Variants in UBAC2 observed in about 807,000 individuals in gnomAD.
The protein encoded by UBAC2 is ubiquitin-associated domain-containing protein 2.
UBAC2 carries 26 observed loss-of-function variants against 44.0 expected under a neutral mutation model. The observed-to-expected ratio is 0.59, with a 90% confidence interval of 0.43 to 0.82. The LOEUF (loss-of-function observed/expected upper bound fraction) is 0.82, where lower values mean the gene tolerates loss of function less well. Ranked by LOEUF, UBAC2 falls within the 40% of genes least tolerant of loss-of-function variation. The pLI is 0.00. For missense variants in UBAC2, 329 were observed against 419.4 expected (o/e 0.78, Z 1.88); for synonymous variants, 155 against 154.3 (o/e 1.00, Z -0.04).
intron 7 of UBAC2, among the ~76,000 whole-genome samples, chr13:99,343,479 C>T (rs1394759666): frequency 1.3e-5 from 2 of 152,228 alleles, no homozygotes; most frequent in African/African-American, 2.4e-5. Context: ...GCATTCCCAC[C>T]AGGCGCCTGT....
intron 6 of UBAC2, among the ~76,000 whole-genome samples, chr13:99,324,172 G>T (rs974908019): frequency 1.4e-4 from 22 of 152,172 alleles, no homozygotes; most frequent in Admixed American, 9.8e-4. Context: ...CCAGACACTT[G>T]TGGTAGATTT....
intron 4 of UBAC2, among the ~76,000 whole-genome samples, chr13:99,286,130 A>C (rs1291383987): frequency 6.6e-6 from 1 of 152,226 alleles, no homozygotes. Context: ...CAGCAATTGT[A>C]TAAGCACCGA....
chr13:99,228,281 A>G (rs933395031), intron 1 of UBAC2, among the ~76,000 whole-genome samples: 5 of 146,510 alleles, frequency 3.4e-5, no homozygotes, highest in African/African-American at 1.2e-4. Context: ...AATATTCTCT[A>G]TATTCATTCA....
intron 6 of UBAC2, among the ~76,000 whole-genome samples, chr13:99,331,232 TA>T (rs2044712557): frequency 6.6e-6 from 1 of 152,250 alleles, no homozygotes; most frequent in Admixed American, 6.5e-5. Flanking sequence ...TGTCCTTTCT[TA>T]TTTTTTTTCT....
intron 4 of UBAC2, among the ~76,000 whole-genome samples, chr13:99,285,902 A>G (rs946720653): frequency 7.2e-5 from 11 of 152,154 alleles, no homozygotes; most frequent in Non-Finnish European, 8.8e-5. Flanking sequence ...TACACATCCA[A>G]CGGGGTGCCA....
chr13:99,324,585 C>G (rs1486832149), intron 6 of UBAC2, among the ~76,000 whole-genome samples: 1 of 152,224 alleles, frequency 6.6e-6, no homozygotes, highest in Non-Finnish European at 1.5e-5. Flanking sequence ...TAATAGTACT[C>G]TTTTCTAAGC....
Position 99,295,318 on chromosome 13 carries a change from A to C in UBAC2, c.390-18779A>C, listed in dbSNP as rs1259879682. On this transcript the variant is annotated intron_variant, in intron 4 of 8. Coordinates refer to ENST00000403766, the MANE Select transcript of UBAC2 (RefSeq NM_001144072.2). The surrounding 1 kb of genome is among the most constrained non-coding windows in gnomAD (Gnocchi z 4.1). Reference sequence around the variant, plus strand: ...AATGTCTTTGGCTACATTCCAGGAAATTAGAGAAACGAAGCTTCTTAATCA... The same window carrying C: ...AATGTCTTTGGCTACATTCCAGGAACTTAGAGAAACGAAGCTTCTTAATCA... 1.2e-6 allele frequency: 2 copies of C among 1,614,042 alleles called. No homozygotes were observed.
At chr13:99,300,889 A>G (rs1408953856) in intron 4 of UBAC2, among the ~76,000 whole-genome samples, 1 of 152,212 alleles carries the variant, frequency 6.6e-6, no homozygotes, top group Non-Finnish European at 1.5e-5. Flanking sequence ...GTTATCTTTT[A>G]ATTATTTTCA....
intron 4 of UBAC2, among the ~76,000 whole-genome samples, chr13:99,304,339 A>G (rs1429025099): frequency 6.6e-6 from 1 of 152,116 alleles, no homozygotes; most frequent in Non-Finnish European, 1.5e-5. Flanking sequence ...TCCCAGGAGC[A>G]TTCCTGTTCT....
chr13:99,326,752 A>G, intron 6 of UBAC2, among the ~76,000 whole-genome samples: 1 of 152,154 alleles, frequency 6.6e-6, no homozygotes, highest in Non-Finnish European at 1.5e-5. Flanking sequence ...CAGTGAGTCC[A>G]GCACCTTACA....
chr13:99,280,498 G>A (rs146314490), intron 4 of UBAC2, among the ~76,000 whole-genome samples: 2,025 of 152,306 alleles, frequency 0.013, 34 homozygotes, highest in Non-Finnish European at 0.016. Context: ...GCCAGAGTTG[G>A]AATTAACCTC....
intron 6 of UBAC2, among the ~76,000 whole-genome samples, chr13:99,318,694 G>T (rs996244521): frequency 2.0e-5 from 3 of 151,220 alleles, no homozygotes; most frequent in Non-Finnish European, 4.4e-5. Flanking sequence ...GGTGGCAGGC[G>T]CCTGTAGTCC....
chr13:99,364,887 G>T lies in UBAC2; in HGVS notation c.808-2900G>T, dbSNP rs142101763. ...ATTTGGGTAGTTCCCGTCTTTGACT[G>T]TTGGAAATAATGCTGCTGAGAACGT... On this transcript the variant is annotated intron_variant, in intron 7 of 8. Coordinates refer to ENST00000403766, the MANE Select transcript of UBAC2 (RefSeq NM_001144072.2). 2.9e-3 allele frequency among the ~76,000 whole-genome samples: 448 copies of T among 152,282 alleles called. 2 individuals carry two copies. The highest frequency in any genetic ancestry group is 0.01 in the African/African-American group (435 of 41,564).
intron 2 of UBAC2, among the ~76,000 whole-genome samples, chr13:99,242,125 C>T (rs928278774): frequency 6.6e-6 from 1 of 151,924 alleles, no homozygotes; most frequent in African/African-American, 2.4e-5. Flanking sequence ...GAAAAGTCTC[C>T]CATGTCTACT....
intron 8 of UBAC2, among the ~76,000 whole-genome samples, chr13:99,371,779 T>C (rs562014073): frequency 1.3e-5 from 2 of 152,320 alleles, no homozygotes; most frequent in South Asian, 2.1e-4. Flanking sequence ...ACAGATACTT[T>C]AGGAATTTAG....
chr13:99,210,907 G>T (rs909526754), intron 1 of UBAC2, among the ~76,000 whole-genome samples: 1 of 152,116 alleles, frequency 6.6e-6, no homozygotes, highest in African/African-American at 2.4e-5. Flanking sequence ...CCACCATGCT[G>T]GGCCCCGCTT....
intron 7 of UBAC2, among the ~76,000 whole-genome samples, 181 bp downstream of exon 7, chr13:99,340,746 T>TA (rs1328754067): frequency 2.0e-5 from 3 of 152,154 alleles, no homozygotes; most frequent in African/African-American, 7.2e-5. Flanking sequence ...TTTAAAAAGG[T>TA]AAAAAATAAA....
rs563331015 is a variant in UBAC2 at position 99,210,179 on chromosome 13, T to C, written c.31+9240T>C. Among the ~76,000 whole-genome samples, 9 of 152,350 alleles carry C rather than the reference T, an allele frequency of 5.9e-5. No individual in the cohort carries two copies. In the South Asian group the frequency reaches 1.2e-3, roughly 21 times the overall value. On this transcript the variant is annotated intron_variant, in intron 1 of 8. Transcript: ENST00000403766. ...CGTCTTTTCTTTTTCTATACACTTA[T>C]GTTCTTGTTTTGAAATAACTGACTT...
At chr13:99,356,356 G>A (rs1392171252) in intron 7 of UBAC2, 1 of 359,442 alleles carries the variant, frequency 2.8e-6, no homozygotes, top group African/African-American at 2.1e-5. Flanking sequence ...CAAGACAGAG[G>A]AAGAAGAGAC....
Sources: gnomAD v4.1 joint callset for allele counts (sites outside exome capture counted in the v4.1 genomes callset) on GRCh38, gnomAD v4.1.1 for gene constraint, Gnocchi (gnomAD v3.1) non-coding constraint, MANE v1.5 for transcripts, NCBI Gene and HGNC (gene_info 2026-07-23, HGNC 2026-07-21) for gene names.